PDE4D: variants seen among roughly 807,000 people sequenced by gnomAD.
The protein encoded by PDE4D is 3',5'-cyclic-AMP phosphodiesterase 4D.
A neutral mutation model predicts 87.4 loss-of-function variants in PDE4D; 24 were observed. The ratio of observed to expected loss-of-function variants is 0.27; its 90% CI spans 0.20 to 0.39. PDE4D has a LOEUF of 0.39. Ranked by LOEUF, PDE4D falls within the 10% of genes least tolerant of loss-of-function variation. The probability of loss-of-function intolerance (pLI) is 1.00; values close to 1 mark genes in which losing one functional copy is unlikely to be tolerated. For missense variants in PDE4D, 714 were observed against 1,041.0 expected (o/e 0.69, Z 4.32); for synonymous variants, 384 against 383.2 (o/e 1.00, Z -0.02).
At chr5:59,712,675 G>T (rs890394179) in intron 1 of PDE4D, among the ~76,000 whole-genome samples, 4 of 151,048 alleles carry the variant, frequency 2.6e-5, no homozygotes, top group Non-Finnish European at 3.0e-5. Flanking sequence ...ATGTATATAC[G>T]CTATAGGGTT....
At chr5:60,474,812 C>A (rs1748181899) in intron 1 of PDE4D, among the ~76,000 whole-genome samples, 1 of 152,162 alleles carries the variant, frequency 6.6e-6, no homozygotes, top group Non-Finnish European at 1.5e-5. Context: ...AGCTCCTCCC[C>A]TTTCCAGAAG....
intron 5 of PDE4D, among the ~76,000 whole-genome samples, chr5:59,127,600 TCCCCACCCCCCCACCCCCCA>T (rs1225802589): frequency 7.2e-5 from 7 of 97,002 alleles, no homozygotes; most frequent in Non-Finnish European, 1.5e-4. Flanking sequence ...CTTCTTTCCC[TCCCCACCCCCCCACCCCCCA>T]CCTCACCCCC....
At chr5:59,453,425 G>T (rs1799455875) in intron 1 of PDE4D, among the ~76,000 whole-genome samples, 1 of 152,244 alleles carries the variant, frequency 6.6e-6, no homozygotes, top group South Asian at 2.1e-4. Flanking sequence ...AGTCAAGACA[G>T]ACAGAAAGCT....
At chr5:59,605,206 A>C (rs1402376472) in intron 1 of PDE4D, among the ~76,000 whole-genome samples, 1 of 152,118 alleles carries the variant, frequency 6.6e-6, no homozygotes, top group Admixed American at 6.6e-5. Context: ...AAAATTTGTA[A>C]CTGACTTGCT....
intron 1 of PDE4D, among the ~76,000 whole-genome samples, chr5:60,450,886 A>G (rs926306652): frequency 7.9e-5 from 12 of 152,146 alleles, no homozygotes; most frequent in Non-Finnish European, 1.6e-4. Flanking sequence ...CCCCACCATC[A>G]ACCTGCAGTT....
chr5:60,520,665 G>T (rs1209556820), intron 1 of PDE4D, among the ~76,000 whole-genome samples: 1 of 152,228 alleles, frequency 6.6e-6, no homozygotes, highest in African/African-American at 2.4e-5. Context: ...CACTGAGGAG[G>T]AAAGGGCTTG....
chr5:59,092,709 G>A (rs1038650889), intron 5 of PDE4D, among the ~76,000 whole-genome samples: 5 of 152,158 alleles, frequency 3.3e-5, no homozygotes, highest in African/African-American at 4.8e-5. Flanking sequence ...TTACTTCTCT[G>A]TGTCTCAATA....
rs1426040371 is a variant in PDE4D at position 59,250,336 on chromosome 5, A to T, written c.456-34368T>A. The stretch of plus-strand genomic sequence containing the variant: ...TACAAAAAAAAAAACAAAAAAAATT[A>T]AAAAAAACAAGCCAGGAGTGGTGGG... On this transcript the variant is annotated intron_variant, in intron 1 of 14. Coordinates refer to ENST00000340635, the MANE Select transcript of PDE4D (RefSeq NM_001104631.2). Among the ~76,000 whole-genome samples the T allele has an allele frequency of 6.0e-5, 9 of 151,224 alleles. No homozygotes were observed. In the South Asian group the frequency reaches 1.5e-3, roughly 25 times the overall value.
chr5:59,195,900 G>A (rs149847405), intron 2 of PDE4D, among the ~76,000 whole-genome samples: 9 of 152,144 alleles, frequency 5.9e-5, no homozygotes, highest in South Asian at 2.1e-4. Context: ...CTGATACTTC[G>A]CTAAGAAGGA....
At chr5:59,760,964 A>G (rs2150775442) in intron 1 of PDE4D, among the ~76,000 whole-genome samples, 1 of 152,288 alleles carries the variant, frequency 6.6e-6, no homozygotes, top group East Asian at 1.9e-4. Context: ...AGAGTTGTGC[A>G]TTGCTTATTC....
chr5:59,167,184 A>G (rs995346212), intron 5 of PDE4D, among the ~76,000 whole-genome samples: 1 of 152,184 alleles, frequency 6.6e-6, no homozygotes, highest in East Asian at 1.9e-4. Context: ...CTAAGGTCAC[A>G]CGTAAAGTGG....
chr5:60,037,841 A>G (rs1474352271), intron 2 of PDE4D, among the ~76,000 whole-genome samples: 2 of 152,218 alleles, frequency 1.3e-5, no homozygotes, highest in African/African-American at 4.8e-5. Context: ...TTTCCTAAGC[A>G]ACCCTAAAAT....
At chr5:59,275,528 T>C in intron 1 of PDE4D, 1 of 1,461,862 alleles carries the variant, frequency 6.8e-7, no homozygotes, top group Non-Finnish European at 9.0e-7. Flanking sequence ...AGAAATCCAA[T>C]TTTCCTGGAG....
At chr5:59,644,333 A>C (rs1330438735) in intron 1 of PDE4D, among the ~76,000 whole-genome samples, 1 of 152,188 alleles carries the variant, frequency 6.6e-6, no homozygotes, top group Non-Finnish European at 1.5e-5. Flanking sequence ...AGTTAAACTG[A>C]TCTGAAGGTC....
intron 1 of PDE4D, among the ~76,000 whole-genome samples, chr5:59,413,995 G>A (rs1037026464): frequency 1.3e-5 from 2 of 152,136 alleles, no homozygotes; most frequent in Admixed American, 6.5e-5. Flanking sequence ...ATTTGTTTCA[G>A]TCCAGACACT....
chr5:59,755,347 C>T (rs189734119), intron 1 of PDE4D, among the ~76,000 whole-genome samples: 4 of 152,152 alleles, frequency 2.6e-5, no homozygotes, highest in African/African-American at 9.6e-5. Context: ...ATAAATGACG[C>T]TAGTTCCAAA....
At chr5:59,363,333 T>G (rs985210127) in intron 1 of PDE4D, among the ~76,000 whole-genome samples, 1 of 152,178 alleles carries the variant, frequency 6.6e-6, no homozygotes, top group South Asian at 2.1e-4. Context: ...TTATTCTGTA[T>G]CACCACTGAG....
chr5:59,360,071 A>G (rs985337842), intron 1 of PDE4D, among the ~76,000 whole-genome samples: 3 of 152,158 alleles, frequency 2.0e-5, no homozygotes, highest in Non-Finnish European at 2.9e-5. Flanking sequence ...AAGATTCCAG[A>G]TGTTACAAAT....
chr5:59,528,505 A>C (rs1813569757), intron 1 of PDE4D, among the ~76,000 whole-genome samples: 1 of 152,198 alleles, frequency 6.6e-6, no homozygotes, highest in Non-Finnish European at 1.5e-5. Context: ...AGTTAAGTGC[A>C]GGATGTCACA....
Sources: allele counts gnomAD v4.1 joint callset (sites outside exome capture counted in the v4.1 genomes callset), GRCh38; gene constraint gnomAD v4.1.1; transcripts MANE v1.5; gene names NCBI Gene and HGNC (gene_info 2026-07-23, HGNC 2026-07-21).